Variants in GATAD2B observed in about 807,000 individuals in gnomAD.
GATAD2B encodes transcriptional repressor p66-beta.
Under a neutral mutation model 64.3 loss-of-function variants are expected in GATAD2B, and 8 were observed. The ratio of observed to expected loss-of-function variants is 0.12; its 90% CI spans 0.07 to 0.22. The LOEUF is 0.22. GATAD2B is among the 10% of genes least tolerant of loss of function. GATAD2B has a pLI of 1.00. For missense variants in GATAD2B, 453 were observed against 752.0 expected (o/e 0.60, Z 4.65); for synonymous variants, 281 against 271.3 (o/e 1.04, Z -0.35).
rs947505165 is a variant in GATAD2B at position 153,808,656 on chromosome 1, T to C, written c.*1521A>G. The C allele has an allele frequency of 2.6e-5, 4 of 152,404 alleles. No individual in the cohort carries two copies. The highest frequency in any genetic ancestry group is 4.4e-5 in the Non-Finnish European group (3 of 67,988). The allele number at this position is 152,404 out of a possible 1,614,324, so 9.4% of individuals were successfully genotyped here. A position where few individuals can be genotyped will look rare whatever the true frequency, so the allele number is the denominator to read the frequency against. On this transcript the variant is annotated 3_prime_UTR_variant, in exon 11 of 11. Transcript: ENST00000368655. Reference sequence around the variant, plus strand: ...ACACTATGAGAAGAGCAGAAACCCGTACCTTTAAGGGGCTTCCCTTACTTC... The same window carrying C: ...ACACTATGAGAAGAGCAGAAACCCGCACCTTTAAGGGGCTTCCCTTACTTC...
intron 1 of GATAD2B, among the ~76,000 whole-genome samples, chr1:153,833,972 C>T (rs1675173103): frequency 6.7e-6 from 1 of 149,320 alleles, no homozygotes; most frequent in African/African-American, 2.4e-5. Flanking sequence ...GACCCTGTCT[C>T]TCTCTCTTTT....
At chr1:153,826,170 A>G (rs1674871520) in intron 2 of GATAD2B, among the ~76,000 whole-genome samples, 2 of 151,786 alleles carry the variant, frequency 1.3e-5, no homozygotes, top group Non-Finnish European at 2.9e-5. Flanking sequence ...TGCCTGGCAA[A>G]TTTTTTGTAT....
intron 1 of GATAD2B, among the ~76,000 whole-genome samples, chr1:153,854,968 A>T (rs1479040991): frequency 1.3e-5 from 2 of 152,184 alleles, no homozygotes; most frequent in Admixed American, 6.6e-5. Context: ...AAAAAAAAAG[A>T]GGTGGTGATA....
chr1:153,812,189 C>CT, intron 8 of GATAD2B, 57 bp from the exon 9 acceptor site: 2 of 741,066 alleles, frequency 2.7e-6, no homozygotes, highest in South Asian at 1.8e-5. Flanking sequence ...TACCCAATTT[C>CT]CTTTTTTTTT....
intron 7 of GATAD2B, among the ~76,000 whole-genome samples, chr1:153,813,714 AC>A (rs1420534441): frequency 2.0e-5 from 3 of 152,160 alleles, no homozygotes; most frequent in Non-Finnish European, 4.4e-5. Flanking sequence ...GCGGTGGCTC[AC>A]CCCTACAGTC....
chr1:153,851,987 CT>C, intron 1 of GATAD2B: 1 of 336,452 alleles, frequency 3.0e-6, no homozygotes, highest in Non-Finnish European at 5.3e-6. Flanking sequence ...AATTGAGGGC[CT>C]TTTTACTAGC....
chr1:153,833,402 C>G (rs973643754), intron 1 of GATAD2B, among the ~76,000 whole-genome samples: 1 of 152,094 alleles, frequency 6.6e-6, no homozygotes, highest in Non-Finnish European at 1.5e-5. Context: ...GACAATGCAC[C>G]CAGTCACCAA....
intron 1 of GATAD2B, among the ~76,000 whole-genome samples, chr1:153,916,280 A>G (rs1393651544): frequency 1.3e-5 from 2 of 150,420 alleles, no homozygotes; most frequent in Non-Finnish European, 3.0e-5. Context: ...ACCTCAAGAA[A>G]AAAAAAAAAA....
intron 1 of GATAD2B, among the ~76,000 whole-genome samples, chr1:153,902,188 G>A (rs915265158): frequency 6.6e-6 from 1 of 152,122 alleles, no homozygotes; most frequent in African/African-American, 2.4e-5. Context: ...GGCTGAGGCA[G>A]GAGAATCACT....
intron 1 of GATAD2B, among the ~76,000 whole-genome samples, chr1:153,921,327 G>A (rs975842098): frequency 1.3e-5 from 2 of 152,192 alleles, no homozygotes; most frequent in Non-Finnish European, 2.9e-5. Context: ...TGGGAAGGAA[G>A]CTTACTTTTC....
At chr1:153,889,413 C>CAAAAAAAAAAAA (rs71093299) in intron 1 of GATAD2B, among the ~76,000 whole-genome samples, 6 of 67,882 alleles carry the variant, frequency 8.8e-5, no homozygotes, top group Non-Finnish European at 1.3e-4. Flanking sequence ...ACCCCGTCTC[C>CAAAAAAAAAAAA]AAAAAAAAAA....
intron 1 of GATAD2B, among the ~76,000 whole-genome samples, chr1:153,831,998 TG>T (rs1675092601): frequency 6.6e-6 from 1 of 152,188 alleles, no homozygotes; most frequent in Non-Finnish European, 1.5e-5. Context: ...GCTGATCACT[TG>T]AGGTCAGGAG....
chr1:153,862,870 A>AT lies in GATAD2B; in HGVS notation c.-1-34523dup, dbSNP rs368497784. Among the ~76,000 whole-genome samples, 384 of 151,940 alleles carry AT rather than the reference A, an allele frequency of 2.5e-3. 2 individuals are homozygous for AT. Among genetic ancestry groups the AT allele is most frequent in the Non-Finnish European group, 4.9e-3 (330 of 67,962 alleles). ...CTCCCAAGTAGCTGGGATTACAGGC[A>AT]TGCGCCACCATACCCGGCTAATTTT... On this transcript the variant is annotated intron_variant, in intron 1 of 10. Transcript: ENST00000368655.
In GATAD2B at chr1:153,852,706, C is replaced by A. The variant is rs368483832; in HGVS notation, c.-1-24358G>T. On this transcript the variant is annotated intron_variant, in intron 1 of 10. Transcript: ENST00000368655. Reference sequence around the variant, plus strand: ...TTAGCTTCTTTAACCCTGCTGAGAGCCTGCTCATACGAAGTGAAGCTTGGT... The same window carrying A: ...TTAGCTTCTTTAACCCTGCTGAGAGACTGCTCATACGAAGTGAAGCTTGGT... 1.3e-5 allele frequency: 12 copies of A among 926,560 alleles called. No individual in the cohort carries two copies. The African/African-American group carries it at 1.8e-4, about 14-fold the overall frequency. The allele number at this position is 926,560 out of a possible 1,614,324, so 57.4% of individuals were successfully genotyped here.
intron 1 of GATAD2B, among the ~76,000 whole-genome samples, chr1:153,873,266 A>G (rs1295869341): frequency 6.6e-6 from 1 of 152,176 alleles, no homozygotes; most frequent in Non-Finnish European, 1.5e-5. Flanking sequence ...CTACCAATTC[A>G]TATTTATTTC....
At chr1:153,827,921 T>C in intron 2 of GATAD2B, 92 bp downstream of exon 2, 3 of 885,182 alleles carry the variant, frequency 3.4e-6, no homozygotes, top group Non-Finnish European at 5.4e-6. Context: ...ATCTTTAGGA[T>C]GAAAAACACC....
At chr1:153,908,302 T>C (rs1303550879) in intron 1 of GATAD2B, among the ~76,000 whole-genome samples, 1 of 152,134 alleles carries the variant, frequency 6.6e-6, no homozygotes, top group Non-Finnish European at 1.5e-5. Flanking sequence ...GAGACTAGCC[T>C]GGGCAACACA....
chr1:153,841,454 C>T (rs1186058317), intron 1 of GATAD2B, among the ~76,000 whole-genome samples: 1 of 152,182 alleles, frequency 6.6e-6, no homozygotes, highest in African/African-American at 2.4e-5. Context: ...CCTCCCATCT[C>T]CTGCCACATT....
Position 153,842,043 on chromosome 1 carries a change from A to G in GATAD2B, c.-1-13695T>C, listed in dbSNP as rs533882405. ...AGTGGCTATTCATAGGCACCATCTTAACAATCTGCAGCCTCAAATTCCTGG... is the reference window on the plus strand; with the variant it reads ...AGTGGCTATTCATAGGCACCATCTTGACAATCTGCAGCCTCAAATTCCTGG... On this transcript the variant is annotated intron_variant, in intron 1 of 10. Coordinates refer to ENST00000368655, the MANE Select transcript of GATAD2B (RefSeq NM_020699.4). Among the ~76,000 whole-genome samples, 185 of 152,156 alleles carry G rather than the reference A, an allele frequency of 1.2e-3. 2 individuals are homozygous for G. The South Asian group carries it at 0.022, about 18-fold the overall frequency.
Sources: allele counts gnomAD v4.1 joint callset (sites outside exome capture counted in the v4.1 genomes callset), GRCh38; gene constraint gnomAD v4.1.1; transcripts MANE v1.5; gene names NCBI Gene and HGNC (gene_info 2026-07-23, HGNC 2026-07-21).